The following SLC4A10 variants were observed in gnomAD, a reference collection of about 807,000 sequenced individuals.
The protein encoded by SLC4A10 is solute carrier family 4 member 10.
SLC4A10 carries 42 observed loss-of-function variants against 137.7 expected under a neutral mutation model. The observed-to-expected ratio is 0.30, with a 90% CI of 0.24 to 0.39. The LOEUF (loss-of-function observed/expected upper bound fraction) is 0.39, where lower values mean the gene tolerates loss of function less well. Ranked by LOEUF, SLC4A10 falls within the 10% of genes least tolerant of loss-of-function variation. The probability of loss-of-function intolerance (pLI) is 1.00; values close to 1 mark genes in which losing one functional copy is unlikely to be tolerated. For synonymous variants in SLC4A10, 474 were observed against 464.1 expected, an observed-to-expected ratio of 1.02 and a Z score of -0.27; for missense variants, 925 against 1,355.0, an observed-to-expected ratio of 0.68 and a Z score of 4.98.
At chr2:161,767,235 C>T (rs866228772) in intron 1 of SLC4A10, among the ~76,000 whole-genome samples, 30 of 114,808 alleles carry the variant, frequency 2.6e-4, no homozygotes, top group East Asian at 1.3e-3. Flanking sequence ...TATATATACA[C>T]ATATATATAT....
chr2:161,808,749 C>A (rs1419883138), intron 3 of SLC4A10, among the ~76,000 whole-genome samples: 1 of 152,082 alleles, frequency 6.6e-6, no homozygotes, highest in Non-Finnish European at 1.5e-5. Flanking sequence ...GATATGATGT[C>A]ATTCTTTTTA....
intron 19 of SLC4A10, among the ~76,000 whole-genome samples, chr2:161,953,859 ATTTG>A (rs756549208): frequency 3.9e-5 from 6 of 152,176 alleles, no homozygotes; most frequent in Non-Finnish European, 8.8e-5. Context: ...TCTCTCTAGC[ATTTG>A]TTTGTTTGTT....
intron 15 of SLC4A10, among the ~76,000 whole-genome samples, chr2:161,923,906 T>C (rs747593116): frequency 3.1e-4 from 47 of 152,092 alleles, no homozygotes; most frequent in Non-Finnish European, 5.7e-4. Context: ...AACTGAAACA[T>C]AGAGTGATTA....
At chr2:161,742,811 G>C (rs952512895) in intron 1 of SLC4A10, among the ~76,000 whole-genome samples, 3 of 152,024 alleles carry the variant, frequency 2.0e-5, no homozygotes, top group African/African-American at 7.2e-5. Context: ...CATTTTAACC[G>C]GGATGACATG....
intron 1 of SLC4A10, among the ~76,000 whole-genome samples, chr2:161,748,287 A>C (rs1010916391): frequency 1.3e-5 from 2 of 152,036 alleles, no homozygotes; most frequent in Non-Finnish European, 2.9e-5. Flanking sequence ...ATGTAGGTCT[A>C]CCTGTTCATT....
At chr2:161,928,619 C>A (rs1319680926) in intron 15 of SLC4A10, among the ~76,000 whole-genome samples, 15 of 80,144 alleles carry the variant, frequency 1.9e-4, no homozygotes, top group African/African-American at 3.8e-4. Flanking sequence ...CATTCAAGAG[C>A]AAAAATAAAA....
chr2:161,851,370 C>CTT (rs1334373627), intron 4 of SLC4A10, among the ~76,000 whole-genome samples: 2 of 152,132 alleles, frequency 1.3e-5, no homozygotes, highest in Non-Finnish European at 2.9e-5. Flanking sequence ...TCTCTAAGAA[C>CTT]TTGTTTTATG....
At chr2:161,956,706 T>C (rs1695727942) in intron 19 of SLC4A10, among the ~76,000 whole-genome samples, 2 of 152,216 alleles carry the variant, frequency 1.3e-5, no homozygotes, top group South Asian at 4.1e-4. Context: ...ATTTGTCTAG[T>C]GCTGAAACTG....
chr2:161,762,391 A>T (rs1574830893), intron 1 of SLC4A10, among the ~76,000 whole-genome samples: 1 of 152,132 alleles, frequency 6.6e-6, no homozygotes, highest in South Asian at 2.1e-4. Context: ...AAATTCTTGT[A>T]ACACAGCAGT....
At chr2:161,933,206 TCTTTCTTTC>T (rs1690833488) in intron 15 of SLC4A10, among the ~76,000 whole-genome samples, 1 of 136,328 alleles carries the variant, frequency 7.3e-6, no homozygotes, top group Non-Finnish European at 1.6e-5. Context: ...TTTCTTTCTT[TCTTTCTTTC>T]TTTCTTTCTT....
chr2:161,845,623 C>A (rs2059443539), intron 4 of SLC4A10, among the ~76,000 whole-genome samples: 1 of 151,974 alleles, frequency 6.6e-6, no homozygotes, highest in Non-Finnish European at 1.5e-5. Context: ...TTTAAAATGT[C>A]ATTTCAGACA....
At chr2:161,917,223 T>C (rs140392359) in intron 15 of SLC4A10, among the ~76,000 whole-genome samples, 3 of 152,330 alleles carry the variant, frequency 2.0e-5, no homozygotes, top group East Asian at 3.9e-4. Flanking sequence ...TGCCAGGTAG[T>C]GTTCTACTAT....
rs113024652 is a variant in SLC4A10 at position 161,741,187 on chromosome 2, C to G, written c.49-29786C>G. On this transcript the variant is annotated intron_variant, in intron 1 of 26. Coordinates refer to ENST00000446997, the MANE Select transcript of SLC4A10 (RefSeq NM_001178015.2). ...GGCTGAAGTGGAAGGATTCCTGGAG[C>G]CTGGAGATGGAGGTATAGTGAGCCG... 2.0e-4 allele frequency among the ~76,000 whole-genome samples: 30 copies of G among 150,434 alleles called. 1 individual carries two copies. Among genetic ancestry groups the G allele is most frequent in the African/African-American group, 7.3e-4 (30 of 40,904 alleles).
intron 4 of SLC4A10, among the ~76,000 whole-genome samples, chr2:161,850,034 T>G (rs1045036261): frequency 4.6e-5 from 7 of 152,112 alleles, no homozygotes; most frequent in Non-Finnish European, 1.0e-4. Flanking sequence ...TTCTGGTTGA[T>G]AGGTTTTTTT....
At chr2:161,881,756 T>C (rs1334661928) in intron 9 of SLC4A10, among the ~76,000 whole-genome samples, 2 of 152,046 alleles carry the variant, frequency 1.3e-5, no homozygotes, top group Non-Finnish European at 2.9e-5. Context: ...ATGTTCGACC[T>C]AATATAGATG....
chr2:161,950,576 T>C lies in SLC4A10; in HGVS notation c.2380-111T>C, dbSNP rs886736189. The C allele has an allele frequency of 6.5e-6, 6 of 919,746 alleles. No homozygotes were observed. The African/African-American group carries it at 1.0e-4, about 16-fold the overall frequency. The allele number at this position is 919,746 out of a possible 1,614,324, so 57.0% of individuals were successfully genotyped here. On this transcript the variant is annotated intron_variant, in intron 18 of 26. Coordinates refer to ENST00000446997, the MANE Select transcript of SLC4A10 (RefSeq NM_001178015.2). ...ATTATTATTATTTATTATAGGCCAC[T>C]CAGCTCCTCTGTTTATAATTAGGGC...
intron 1 of SLC4A10, chr2:161,708,806 C>T (rs544522595): frequency 6.5e-7 from 1 of 1,532,336 alleles, no homozygotes; most frequent in South Asian, 1.2e-5. Flanking sequence ...AACCTGTGAG[C>T]CTTTTCAATC....
intron 3 of SLC4A10, among the ~76,000 whole-genome samples, chr2:161,830,362 C>T (rs781458488): frequency 6.6e-6 from 1 of 152,034 alleles, no homozygotes; most frequent in South Asian, 2.1e-4. Flanking sequence ...TACAATTTTT[C>T]CATCCATTTT....
chr2:161,945,862 A>G (rs1693702768), intron 16 of SLC4A10, among the ~76,000 whole-genome samples: 1 of 151,996 alleles, frequency 6.6e-6, no homozygotes, highest in South Asian at 2.1e-4. Context: ...AGAATTGAGA[A>G]CAAGATCCCG....
Sources: allele counts gnomAD v4.1 joint callset (sites outside exome capture counted in the v4.1 genomes callset), GRCh38; gene constraint gnomAD v4.1.1; transcripts MANE v1.5; gene names NCBI Gene and HGNC (gene_info 2026-07-23, HGNC 2026-07-21).